Variants in ARHGEF28 observed in about 807,000 individuals in gnomAD.
The protein encoded by ARHGEF28 is 190 kDa guanine nucleotide exchange factor.
In ARHGEF28, 152 loss-of-function variants were observed where a neutral mutation model predicts 206.6. That is an observed-to-expected ratio of 0.74 (90% CI 0.64 to 0.84). The LOEUF (loss-of-function observed/expected upper bound fraction) is 0.84. Among genes scored for constraint, ARHGEF28 ranks in the 40% least tolerant of loss-of-function variants. ARHGEF28 has a pLI of 0.00. For missense variants in ARHGEF28, 2,028 were observed against 2,073.2 expected (o/e 0.98, Z 0.42); for synonymous variants, 763 against 776.4 (o/e 0.98, Z 0.29).
chr5:73,686,802 G>C (rs536902688), intron 2 of ARHGEF28, among the ~76,000 whole-genome samples: 1 of 152,132 alleles, frequency 6.6e-6, no homozygotes, highest in African/African-American at 2.4e-5. Context: ...GATTACAGGC[G>C]TGAGCCACCG....
At chr5:73,801,496 G>A (rs1249924701) in intron 9 of ARHGEF28, among the ~76,000 whole-genome samples, 1 of 151,656 alleles carries the variant, frequency 6.6e-6, no homozygotes, top group East Asian at 1.9e-4. Context: ...AGGATCTTAA[G>A]CATGGCATCT....
chr5:73,749,030 A>G (rs73762202), intron 2 of ARHGEF28, among the ~76,000 whole-genome samples: 10,827 of 152,122 alleles, frequency 0.071, 1,302 homozygotes, highest in African/African-American at 0.25. Context: ...TCCTCAGAGG[A>G]TGCCTCGGTG....
At chr5:73,879,139 T>C (rs1236770562) in intron 22 of ARHGEF28, among the ~76,000 whole-genome samples, 1 of 152,192 alleles carries the variant, frequency 6.6e-6, no homozygotes, top group Non-Finnish European at 1.5e-5. Context: ...TATTCTTTTT[T>C]CTCTAAACTT....
chr5:73,864,085 TGGTGATGTACA>T (rs1561466592), intron 16 of ARHGEF28, among the ~76,000 whole-genome samples: 1 of 151,994 alleles, frequency 6.6e-6, no homozygotes, highest in African/African-American at 2.4e-5. Context: ...GTGTGTGGGA[TGGTGATGTACA>T]GGTGGGAGGG....
intron 1 of ARHGEF28, among the ~76,000 whole-genome samples, chr5:73,647,231 C>T (rs1744490799): frequency 1.3e-5 from 2 of 152,054 alleles, no homozygotes; most frequent in African/African-American, 2.4e-5. Flanking sequence ...ATATTGTGTA[C>T]AATTACCTTT....
intron 9 of ARHGEF28, among the ~76,000 whole-genome samples, chr5:73,806,546 A>G (rs1755483223): frequency 7.3e-6 from 1 of 136,166 alleles, no homozygotes; most frequent in South Asian, 2.3e-4. Flanking sequence ...TATATATAGT[A>G]TGTATATAGT....
chr5:73,831,285 G>A (rs886442335), intron 9 of ARHGEF28, among the ~76,000 whole-genome samples: 1 of 152,150 alleles, frequency 6.6e-6, no homozygotes, highest in Non-Finnish European at 1.5e-5. Flanking sequence ...AAGATATCTA[G>A]AGGGCTAGTA....
intron 6 of ARHGEF28, among the ~76,000 whole-genome samples, chr5:73,777,113 T>C (rs1324898933): frequency 6.6e-6 from 1 of 152,190 alleles, no homozygotes; most frequent in African/African-American, 2.4e-5. Flanking sequence ...GTACAGATTC[T>C]GCTTGAATGG....
chr5:73,880,517 C>T (rs148369425), intron 22 of ARHGEF28, among the ~76,000 whole-genome samples: 1,814 of 152,330 alleles, frequency 0.012, 19 homozygotes, highest in Middle Eastern at 0.024. Context: ...CCGTCTTCTG[C>T]GTTGCTCACG....
chr5:73,940,180 A>G (rs533926709), intron 35 of ARHGEF28, among the ~76,000 whole-genome samples: 60 of 152,298 alleles, frequency 3.9e-4, no homozygotes, highest in African/African-American at 1.4e-3. Flanking sequence ...ATATAATATT[A>G]GAGGATTTTA....
At position 73,820,013 on chromosome 5, in the gene ARHGEF28, A is replaced by T; in HGVS notation, c.1025-12325A>T. Among the ~76,000 whole-genome samples the T allele has an allele frequency of 1.3e-5, 2 of 152,098 alleles. 1 individual carries two copies. The highest frequency in any genetic ancestry group is 3.9e-4 in the East Asian group (2 of 5,170). On this transcript the variant is annotated intron_variant, in intron 9 of 35. Coordinates refer to ENST00000513042, the MANE Select transcript of ARHGEF28 (RefSeq NM_001177693.2). ...TGTTATTAAACCTCTATACCCTAAGACACTGAATTCCTTGAAGGCGGCCAG... is the reference window on the plus strand; with the variant it reads ...TGTTATTAAACCTCTATACCCTAAGTCACTGAATTCCTTGAAGGCGGCCAG...
intron 11 of ARHGEF28, among the ~76,000 whole-genome samples, chr5:73,845,538 C>A (rs185467492): frequency 6.6e-6 from 1 of 152,116 alleles, no homozygotes; most frequent in Admixed American, 6.5e-5. Context: ...AAATCCCCCC[C>A]AGAAGCTTCC....
intron 4 of ARHGEF28, among the ~76,000 whole-genome samples, chr5:73,767,707 A>G (rs1473386073): frequency 3.3e-5 from 5 of 152,176 alleles, no homozygotes; most frequent in African/African-American, 9.7e-5. Context: ...TGGCCTGACA[A>G]TGCAATAGAA....
chr5:73,691,178 C>T (rs57370196), intron 2 of ARHGEF28, among the ~76,000 whole-genome samples: 3,037 of 152,250 alleles, frequency 0.02, 94 homozygotes, highest in African/African-American at 0.07. Flanking sequence ...GATCCACCCA[C>T]CTTGGACTCC....
chr5:73,825,292 T>A (rs1247803250), intron 9 of ARHGEF28, among the ~76,000 whole-genome samples: 2 of 152,126 alleles, frequency 1.3e-5, no homozygotes, highest in Non-Finnish European at 2.9e-5. Context: ...AAGATGACAC[T>A]GGGGCAGAGA....
At chr5:73,773,251 G>T (rs1362344833) in intron 4 of ARHGEF28, among the ~76,000 whole-genome samples, 1 of 152,166 alleles carries the variant, frequency 6.6e-6, no homozygotes, top group Non-Finnish European at 1.5e-5. Context: ...GGGCCTTACA[G>T]GTCGAGCCTC....
chr5:73,670,970 G>C (rs571736151), intron 1 of ARHGEF28, among the ~76,000 whole-genome samples: 8 of 152,158 alleles, frequency 5.3e-5, no homozygotes, highest in Non-Finnish European at 1.2e-4. Context: ...TGTCTGGCAT[G>C]GTTTAAAAGA....
rs201585174 is a variant in ARHGEF28, at chr5:73,892,209, G to A, written c.3545G>A (p.Arg1182Gln). The A allele has an allele frequency of 2.6e-5, 40 of 1,566,968 alleles. No homozygotes were observed. In the East Asian group the frequency reaches 4.4e-4, roughly 17 times the overall value. ...GAGGAACGCAATAACTGGATGAGAC[G>A]GATCCAGCAGGCTGTAGAAAGGTAA... The part of the protein sequence containing the change: ...SKEERNNWMR[R>Q]IQQAVESCPE... Residue 1182 changes from arginine (R) to glutamine (Q), a missense_variant, in exon 27 of 36, where the codon CGG becomes CAG. Arg to Gln is a conservative substitution (Grantham distance 43). Around this residue, in one of 3 missense-constraint regions of ARHGEF28, gnomAD observed 803 missense variants for 768.0 expected, o/e 1.05. Transcript: ENST00000513042.
At chr5:73,883,630 G>A (rs1216804137) in intron 23 of ARHGEF28, 137 bp from the exon 24 acceptor site, 1 of 477,632 alleles carries the variant, frequency 2.1e-6, no homozygotes, top group East Asian at 3.4e-5. Context: ...TAGTGATAAT[G>A]CATCGTTTTA....
Sources: allele counts gnomAD v4.1 joint callset (sites outside exome capture counted in the v4.1 genomes callset), GRCh38; gene constraint gnomAD v4.1.1; regional missense constraint gnomAD v4.1.1; transcripts MANE v1.5; gene names NCBI Gene and HGNC (gene_info 2026-07-23, HGNC 2026-07-21).